Variants in SSBP2 observed in about 807,000 individuals in gnomAD.
SSBP2 encodes the protein single-stranded DNA-binding protein 2.
A neutral mutation model predicts 61.8 loss-of-function variants in SSBP2; 17 were observed. That is an observed-to-expected ratio of 0.28 (90% CI 0.19 to 0.41). The LOEUF (loss-of-function observed/expected upper bound fraction) is 0.41. SSBP2 is among the 10% of genes least tolerant of loss of function. SSBP2 has a pLI of 1.00. For missense variants in SSBP2, 310 were observed against 458.7 expected (o/e 0.68, Z 2.96); for synonymous variants, 139 against 141.3 (o/e 0.98, Z 0.12).
intron 16 of SSBP2, among the ~76,000 whole-genome samples, chr5:81,422,371 AGC>A (rs1174600315): frequency 1.3e-5 from 2 of 152,210 alleles, no homozygotes; most frequent in Non-Finnish European, 2.9e-5. Context: ...GCAATGGCTC[AGC>A]TGGCACATGT....
intron 9 of SSBP2, among the ~76,000 whole-genome samples, chr5:81,463,616 C>T (rs1161583297): frequency 2.6e-5 from 4 of 152,056 alleles, no homozygotes; most frequent in African/African-American, 9.7e-5. Context: ...AGGAGAATTG[C>T]TTGAACCGGA....
At chr5:81,693,394 C>T (rs528033309) in intron 1 of SSBP2, among the ~76,000 whole-genome samples, 1 of 152,024 alleles carries the variant, frequency 6.6e-6, no homozygotes, top group Non-Finnish European at 1.5e-5. Context: ...AGAGACAATC[C>T]GCAGAATGGG....
intron 4 of SSBP2, among the ~76,000 whole-genome samples, chr5:81,541,859 T>C (rs1279303908): frequency 6.6e-6 from 1 of 152,186 alleles, no homozygotes; most frequent in Non-Finnish European, 1.5e-5. Context: ...ACTTCGTCCA[T>C]GGCAAAGAAT....
At chr5:81,669,976 A>G (rs540912988) in intron 1 of SSBP2, among the ~76,000 whole-genome samples, 67 of 152,136 alleles carry the variant, frequency 4.4e-4, no homozygotes, top group Middle Eastern at 6.8e-3. Flanking sequence ...GTATAGAGAG[A>G]CAGTAAAAGG....
At chr5:81,639,501 T>C (rs1368295247) in intron 2 of SSBP2, among the ~76,000 whole-genome samples, 3 of 151,766 alleles carry the variant, frequency 2.0e-5, no homozygotes, top group Non-Finnish European at 1.5e-5. Context: ...AAAAAGTAAA[T>C]TATGTTTATA....
chr5:81,438,348 CA>C (rs11303330), intron 14 of SSBP2, among the ~76,000 whole-genome samples: 53,609 of 104,648 alleles, frequency 0.51, 12,340 homozygotes, highest in African/African-American at 0.76. Context: ...GAGACTGTCT[CA>C]AAAAAAAAAA....
chr5:81,656,479 T>C (rs1389648611), intron 1 of SSBP2, among the ~76,000 whole-genome samples: 1 of 152,156 alleles, frequency 6.6e-6, no homozygotes, highest in Non-Finnish European at 1.5e-5. Flanking sequence ...ATGTTTAATA[T>C]ATAAAGAGGT....
chr5:81,543,471 C>A (rs532299225), intron 4 of SSBP2, among the ~76,000 whole-genome samples: 15 of 151,964 alleles, frequency 9.9e-5, no homozygotes, highest in Non-Finnish European at 1.6e-4. Flanking sequence ...ATGATCATAA[C>A]GATGCCAGCA....
At chr5:81,691,946 G>A (rs1753233756) in intron 1 of SSBP2, among the ~76,000 whole-genome samples, 1 of 152,028 alleles carries the variant, frequency 6.6e-6, no homozygotes, top group South Asian at 2.1e-4. Flanking sequence ...CTAAAATCTG[G>A]AACTCAACAA....
At chr5:81,657,045 AT>A (rs1176994801) in intron 1 of SSBP2, among the ~76,000 whole-genome samples, 4 of 152,136 alleles carry the variant, frequency 2.6e-5, no homozygotes, top group African/African-American at 9.7e-5. Context: ...AGTATCTTTT[AT>A]TGCAGGCCTT....
At position 81,420,446 on chromosome 5, in the gene SSBP2, T is replaced by C. The variant is rs1486179150; in HGVS notation, c.*58A>G. 5 of 1,523,554 alleles carry C rather than the reference T, an allele frequency of 3.3e-6. No homozygotes were observed. Among genetic ancestry groups the C allele is most frequent in the Non-Finnish European group, 2.7e-6 (3 of 1,098,122 alleles). 94.4% of individuals were successfully genotyped at this position (1,523,554 alleles called of 1,614,324 possible). ...CACTGTGATGAATAATTTTCTTCCG[T>C]AGTAGTTCTGTGAAGGGCTGACTCA... On this transcript the variant is annotated 3_prime_UTR_variant, in exon 17 of 17. Coordinates refer to ENST00000320672, the MANE Select transcript of SSBP2 (RefSeq NM_012446.5).
intron 1 of SSBP2, among the ~76,000 whole-genome samples, chr5:81,680,713 C>A (rs889123006): frequency 1.1e-4 from 17 of 152,088 alleles, no homozygotes; most frequent in Non-Finnish European, 2.1e-4. Context: ...TCCAAGAAGA[C>A]ATAAAAAACT....
intron 4 of SSBP2, among the ~76,000 whole-genome samples, chr5:81,585,567 A>G (rs551655575): frequency 6.6e-5 from 10 of 152,178 alleles, no homozygotes; most frequent in Admixed American, 2.6e-4. Flanking sequence ...ATATATATAT[A>G]TATGGTTTAC....
chr5:81,724,101 A>T (rs1019217647), intron 1 of SSBP2, among the ~76,000 whole-genome samples: 5 of 151,588 alleles, frequency 3.3e-5, no homozygotes, highest in African/African-American at 1.2e-4. Context: ...CTATGAAAGC[A>T]CACATTTATT....
chr5:81,505,576 TTCCTC>T (rs573688253), intron 5 of SSBP2, among the ~76,000 whole-genome samples: 219 of 152,286 alleles, frequency 1.4e-3, no homozygotes, highest in African/African-American at 5.1e-3. Context: ...TATTTACAAT[TTCCTC>T]TCTATATAAA....
At chr5:81,642,043 A>C (rs1367873526) in intron 2 of SSBP2, among the ~76,000 whole-genome samples, 1 of 152,212 alleles carries the variant, frequency 6.6e-6, no homozygotes, top group Non-Finnish European at 1.5e-5. Context: ...CTTTCATTTT[A>C]AATTATATTC....
intron 4 of SSBP2, among the ~76,000 whole-genome samples, chr5:81,611,619 C>G (rs1230771783): frequency 2.0e-5 from 3 of 152,036 alleles, no homozygotes; most frequent in African/African-American, 7.2e-5. Context: ...GGCAGTGTAA[C>G]ATCAGCATGA....
At chr5:81,623,518 G>A (rs969037439) in intron 3 of SSBP2, among the ~76,000 whole-genome samples, 1 of 151,528 alleles carries the variant, frequency 6.6e-6, no homozygotes, top group Non-Finnish European at 1.5e-5. Flanking sequence ...TGTATTTTTA[G>A]TAGAGACGGG....
chr5:81,589,279 A>G (rs1478725781), intron 4 of SSBP2, among the ~76,000 whole-genome samples: 1 of 152,244 alleles, frequency 6.6e-6, no homozygotes, highest in African/African-American at 2.4e-5. Context: ...TACAAAAGAT[A>G]AACAGTGAAA....
Sources: allele counts gnomAD v4.1 joint callset (sites outside exome capture counted in the v4.1 genomes callset), GRCh38; gene constraint gnomAD v4.1.1; transcripts MANE v1.5; gene names NCBI Gene and HGNC (gene_info 2026-07-23, HGNC 2026-07-21).